DCUN1D2: variants seen among roughly 807,000 people sequenced by gnomAD.
DCUN1D2 encodes the protein defective in cullin neddylation 1 domain containing 2.
DCUN1D2 carries 29 observed loss-of-function variants against 30.9 expected under a neutral mutation model. The observed-to-expected ratio is 0.94, with a 90% CI of 0.70 to 1.28. The LOEUF is 1.28. DCUN1D2 is among the 50% of genes most tolerant of loss of function. DCUN1D2 has a pLI of 0.00. For missense variants in DCUN1D2, 325 were observed against 316.9 expected (o/e 1.03, Z -0.19); for synonymous variants, 121 against 115.3 (o/e 1.05, Z -0.32).
In DCUN1D2 at chr13:113,456,733, A is replaced by C. The variant is rs141569648; in HGVS notation, c.*1296T>G. 5.2e-6 allele frequency: 1 copy of C among 194,120 alleles called. No individual in the cohort carries two copies. The highest frequency in any genetic ancestry group is 1.2e-4 in the East Asian group (1 of 8,082). The allele number at this position is 194,120 out of a possible 1,614,324, so 12.0% of individuals were successfully genotyped here. A position where few individuals can be genotyped will look rare whatever the true frequency, so the allele number is the denominator to read the frequency against. On this transcript the variant is annotated 3_prime_UTR_variant, in exon 7 of 7. Coordinates refer to ENST00000478244, the MANE Select transcript of DCUN1D2 (RefSeq NM_001014283.2). ...AAGGACAGACTTCAGCTCACCAATC[A>C]GATGAAGGTTTTGGGGTTGGGTTTT... is the stretch of plus-strand genomic sequence containing the variant.
chr13:113,473,826 T>C (rs1369844271), intron 4 of DCUN1D2, among the ~76,000 whole-genome samples: 1 of 152,170 alleles, frequency 6.6e-6, no homozygotes, highest in African/African-American at 2.4e-5. Flanking sequence ...CAAGACCTTG[T>C]CTTTACTAAA....
rs567906723 is a variant in DCUN1D2, at chr13:113,455,942, T to C, written c.*2087A>G. The C allele has an allele frequency of 1.2e-5, 4 of 338,324 alleles. No homozygotes were observed. Among genetic ancestry groups the C allele is most frequent in the African/African-American group, 8.4e-5 (4 of 47,512 alleles). The allele number at this position is 338,324 out of a possible 1,614,324, so 21.0% of individuals were successfully genotyped here. A position where few individuals can be genotyped will look rare whatever the true frequency, so the allele number is the denominator to read the frequency against. On this transcript the variant is annotated 3_prime_UTR_variant, in exon 7 of 7. Coordinates refer to ENST00000478244, the MANE Select transcript of DCUN1D2 (RefSeq NM_001014283.2). ...AAGCCTTTGTCCAATGATTAATATT[T>C]TGATATCTATTGACAATCCCTTAGA...
chr13:113,459,348 T>G lies in DCUN1D2; in HGVS notation c.664A>C (p.Met222Leu), dbSNP rs149001043. The G allele has an allele frequency of 5.0e-6, 8 of 1,605,140 alleles. No individual in the cohort carries two copies. In the African/African-American group the frequency reaches 1.1e-4, roughly 21 times the overall value. Residue 222 changes from methionine (M) to leucine (L), a missense_variant, in exon 6 of 7, where the codon ATG becomes CTG. By Grantham distance (15) the Met-to-Leu change is conservative (BLOSUM62 2). Transcript: ENST00000478244. ...TWNLLLDFGN[M>L]IADDMSNYDE... ...TAGTTAGACATATCATCCGCAATCATGTTTCCAAAGTCCAGCAGGAGGTTC... is the reference window on the plus strand; with the variant it reads ...TAGTTAGACATATCATCCGCAATCAGGTTTCCAAAGTCCAGCAGGAGGTTC...
chr13:113,472,984 C>A (rs1283972723), intron 4 of DCUN1D2, among the ~76,000 whole-genome samples: 1 of 143,436 alleles, frequency 7.0e-6, no homozygotes, highest in Non-Finnish European at 1.5e-5. Context: ...TCCTTCTGTC[C>A]CCCCGTGCCT....
intron 2 of DCUN1D2, among the ~76,000 whole-genome samples, chr13:113,482,969 T>TAAAC (rs1245794120): frequency 6.6e-6 from 1 of 152,022 alleles, no homozygotes; most frequent in Non-Finnish European, 1.5e-5. Flanking sequence ...CAGACAACAA[T>TAAAC]AAACAAACAA....
intron 1 of DCUN1D2, 107 bp from the exon 2 acceptor site, chr13:113,484,163 T>C: frequency 6.5e-7 from 1 of 1,529,380 alleles, no homozygotes; most frequent in Middle Eastern, 2.3e-4. Context: ...GACAAAGCCT[T>C]GCTCTTCATC....
intron 3 of DCUN1D2, chr13:113,479,041 C>A (rs1374763267): frequency 1.3e-5 from 2 of 152,144 alleles, no homozygotes; most frequent in East Asian, 3.9e-4. Context: ...GGGAAAATCA[C>A]CTTCATGATG....
chr13:113,475,822 G>C (rs1167598909), intron 3 of DCUN1D2: 1 of 152,296 alleles, frequency 6.6e-6, no homozygotes, highest in African/African-American at 2.4e-5. Context: ...TCTTAAAAAA[G>C]GGAGTGGGTG....
chr13:113,462,852 T>G (rs979814226), intron 4 of DCUN1D2: 4 of 1,257,958 alleles, frequency 3.2e-6, no homozygotes, highest in Admixed American at 2.7e-5. Flanking sequence ...CAACTCATCT[T>G]AATGATGTAA....
intron 2 of DCUN1D2, among the ~76,000 whole-genome samples, chr13:113,482,059 A>G (rs2044720397): frequency 6.6e-6 from 1 of 152,152 alleles, no homozygotes; most frequent in Non-Finnish European, 1.5e-5. Flanking sequence ...AGAAATATTG[A>G]TCTACAATGC....
At position 113,458,157 on chromosome 13, in the gene DCUN1D2, C is replaced by G. The variant is rs976786637; in HGVS notation, c.701-49G>C. The G allele has an allele frequency of 2.1e-6, 3 of 1,449,872 alleles. No individual in the cohort carries two copies. The African/African-American group carries it at 4.2e-5, about 20-fold the overall frequency. The allele number at this position is 1,449,872 out of a possible 1,614,324, so 89.8% of individuals were successfully genotyped here. A position where few individuals can be genotyped will look rare whatever the true frequency, so the allele number is the denominator to read the frequency against. Reference sequence around the variant, plus strand: ...AAACCCGTTAGAGCACCGTTTTTATCTCCAAAGCACTGAGTCACACATCAA... The same window carrying G: ...AAACCCGTTAGAGCACCGTTTTTATGTCCAAAGCACTGAGTCACACATCAA... On this transcript the variant is annotated intron_variant, in intron 6 of 6. Transcript: ENST00000478244.
In DCUN1D2 at chr13:113,459,420, G is replaced by GA; in HGVS notation, c.604-13dup. On this transcript the variant is annotated splice_polypyrimidine_tract_variant and intron_variant, in intron 5 of 6. Transcript: ENST00000478244. ...CTTTTGTGATGTTCCTAATATATGA[G>GA]AGAAAAAAAAAACCCACCAGGTTTA... 7.5e-7 allele frequency: 1 copy of GA among 1,331,304 alleles called. No homozygotes were observed. The highest frequency in any genetic ancestry group is 1.1e-6 in the Non-Finnish European group (1 of 936,862). 82.5% of individuals were successfully genotyped at this position (1,331,304 alleles called of 1,614,324 possible). A position where few individuals can be genotyped will look rare whatever the true frequency, so the allele number is the denominator to read the frequency against.
At chr13:113,465,997 T>C (rs2044397078) in intron 4 of DCUN1D2, among the ~76,000 whole-genome samples, 1 of 152,190 alleles carries the variant, frequency 6.6e-6, no homozygotes, top group Admixed American at 6.6e-5. Context: ...GCGATTCTTG[T>C]GCCTCAGCCT....
At chr13:113,460,000 C>T (rs1024897916) in intron 5 of DCUN1D2, among the ~76,000 whole-genome samples, 3 of 152,344 alleles carry the variant, frequency 2.0e-5, no homozygotes, top group South Asian at 2.1e-4. Context: ...CCCTTCTCCA[C>T]GCACAAGAGC....
In DCUN1D2 at chr13:113,456,622, A is replaced by G. The variant is rs2044230514; in HGVS notation, c.*1407T>C. On this transcript the variant is annotated 3_prime_UTR_variant, in exon 7 of 7. Transcript: ENST00000478244. ...GGTAGGGTCAACAGTGATGTCCACA[A>G]CTCAATACCAGCCCTCCACACCTCG... 1 of 363,284 alleles carries G rather than the reference A, an allele frequency of 2.8e-6. No homozygotes were observed. Among genetic ancestry groups the G allele is most frequent in the Non-Finnish European group, 4.9e-6 (1 of 203,998 alleles). The allele number at this position is 363,284 out of a possible 1,614,324, so 22.5% of individuals were successfully genotyped here.
At chr13:113,486,633 G>A (rs372077073) in intron 1 of DCUN1D2, among the ~76,000 whole-genome samples, 1 of 152,216 alleles carries the variant, frequency 6.6e-6, no homozygotes, top group Non-Finnish European at 1.5e-5. Context: ...GGGAGTCTTG[G>A]ATCCCTTTTG....
chr13:113,475,704 TAG>T (rs1300586601), intron 3 of DCUN1D2, among the ~76,000 whole-genome samples: 1 of 152,008 alleles, frequency 6.6e-6, no homozygotes, highest in Non-Finnish European at 1.5e-5. Context: ...CTGGGCAACA[TAG>T]AGAGACCCAG....
At chr13:113,480,986 T>A (rs1280988673) in intron 2 of DCUN1D2, among the ~76,000 whole-genome samples, 1 of 146,158 alleles carries the variant, frequency 6.8e-6, no homozygotes, top group Admixed American at 6.9e-5. Context: ...AAAAAAAAAA[T>A]CACTGAATTT....
chr13:113,480,354 A>G (rs2044686889), intron 3 of DCUN1D2: 1 of 421,334 alleles, frequency 2.4e-6, no homozygotes. Flanking sequence ...AAAAGGGATT[A>G]ATATGAAAAA....
Sources: allele counts gnomAD v4.1 joint callset (sites outside exome capture counted in the v4.1 genomes callset), GRCh38; gene constraint gnomAD v4.1.1; transcripts MANE v1.5; gene names NCBI Gene and HGNC (gene_info 2026-07-23, HGNC 2026-07-21).